ADGRG6: variants seen among roughly 807,000 people sequenced by gnomAD.
ADGRG6 encodes the protein adhesion G protein-coupled receptor G6, also known as G-protein coupled receptor 126.
A neutral mutation model predicts 142.4 loss-of-function variants in ADGRG6; 84 were observed. The observed-to-expected ratio is 0.59, with a 90% CI of 0.49 to 0.71. The LOEUF (loss-of-function observed/expected upper bound fraction) is 0.71, where lower values mean the gene tolerates loss of function less well. ADGRG6 is among the 30% of genes least tolerant of loss of function. The probability of loss-of-function intolerance (pLI) is 0.00; values close to 1 mark genes in which losing one functional copy is unlikely to be tolerated. For synonymous variants in ADGRG6, 521 were observed against 520.5 expected (o/e 1.00, Z -0.01); for missense variants, 1,367 against 1,466.6 (o/e 0.93, Z 1.11).
At chr6:142,303,387 C>A (rs966793068) in intron 1 of ADGRG6, among the ~76,000 whole-genome samples, 1 of 152,170 alleles carries the variant, frequency 6.6e-6, no homozygotes, top group Non-Finnish European at 1.5e-5. Context: ...CCCCACTCCC[C>A]AACACACATT....
chr6:142,367,054 A>T (rs750979335), intron 2 of ADGRG6, among the ~76,000 whole-genome samples: 2 of 152,140 alleles, frequency 1.3e-5, no homozygotes, highest in African/African-American at 2.4e-5. Flanking sequence ...TTTTGTATTG[A>T]TAGCTTTCTA....
chr6:142,436,685 A>G (rs1422152736), intron 22 of ADGRG6, among the ~76,000 whole-genome samples: 1 of 152,214 alleles, frequency 6.6e-6, no homozygotes, highest in Admixed American at 6.5e-5. Flanking sequence ...CCAAGTATAG[A>G]GGAATCAAGA....
At chr6:142,416,100 C>T (rs746930015) in intron 20 of ADGRG6, 36 bp downstream of exon 20, 1 of 1,536,328 alleles carries the variant, frequency 6.5e-7, no homozygotes, top group South Asian at 1.2e-5. Flanking sequence ...TTTGTTTTTC[C>T]CTCATGAAAA....
intron 2 of ADGRG6, among the ~76,000 whole-genome samples, chr6:142,363,291 G>A (rs1216028249): frequency 6.6e-6 from 1 of 151,722 alleles, no homozygotes; most frequent in African/African-American, 2.4e-5. Context: ...ATTTTATAAA[G>A]AAGTACTTGT....
intron 4 of ADGRG6, among the ~76,000 whole-genome samples, chr6:142,375,098 C>G (rs942351824): frequency 6.6e-6 from 1 of 152,142 alleles, no homozygotes; most frequent in African/African-American, 2.4e-5. Context: ...CTGGAAACCA[C>G]TCTTCTATTC....
chr6:142,340,552 A>C (rs1779569438), intron 2 of ADGRG6, among the ~76,000 whole-genome samples: 1 of 152,146 alleles, frequency 6.6e-6, no homozygotes, highest in Admixed American at 6.5e-5. Context: ...GTGCAAATCC[A>C]TGTAGCAAAA....
At chr6:142,332,242 G>A (rs1779097656) in intron 2 of ADGRG6, among the ~76,000 whole-genome samples, 1 of 152,124 alleles carries the variant, frequency 6.6e-6, no homozygotes, top group Non-Finnish European at 1.5e-5. Context: ...AATACTGAAT[G>A]TTTGCAGCAG....
chr6:142,444,604 T>C lies in ADGRG6; in HGVS notation c.*1089T>C, dbSNP rs1384131347. The stretch of plus-strand genomic sequence containing the variant: ...GGTCTGCAATAGCTAGTCTAAAAAC[T>C]ACTTGTGTGTCAGTCCTCTGGTTAT... On this transcript the variant is annotated 3_prime_UTR_variant, in exon 25 of 25. Coordinates refer to ENST00000367609, the MANE Select transcript of ADGRG6 (RefSeq NM_198569.3). The C allele has an allele frequency of 1.3e-5, 2 of 152,194 alleles. No homozygotes were observed. The highest frequency in any genetic ancestry group is 2.9e-5 in the Non-Finnish European group (2 of 68,036). The allele number at this position is 152,194 out of a possible 1,614,324, so 9.4% of individuals were successfully genotyped here. A position where few individuals can be genotyped will look rare whatever the true frequency, so the allele number is the denominator to read the frequency against.
intron 22 of ADGRG6, among the ~76,000 whole-genome samples, chr6:142,434,534 C>T (rs1777384045): frequency 6.6e-6 from 1 of 152,002 alleles, no homozygotes; most frequent in East Asian, 1.9e-4. Flanking sequence ...CTATGTTGGC[C>T]AGGCTGGTCA....
intron 2 of ADGRG6, among the ~76,000 whole-genome samples, chr6:142,343,442 C>G (rs955724623): frequency 6.6e-5 from 10 of 151,548 alleles, no homozygotes; most frequent in Non-Finnish European, 1.2e-4. Context: ...AAGACCTTTA[C>G]TTACTCTTTT....
At chr6:142,342,564 T>C (rs1779708753) in intron 2 of ADGRG6, among the ~76,000 whole-genome samples, 1 of 152,088 alleles carries the variant, frequency 6.6e-6, no homozygotes, top group Non-Finnish European at 1.5e-5. Flanking sequence ...CGTTAGAAGT[T>C]TTCATAGTTA....
chr6:142,381,451 G>A (rs1385596253), intron 4 of ADGRG6, among the ~76,000 whole-genome samples: 2 of 152,156 alleles, frequency 1.3e-5, no homozygotes, highest in African/African-American at 4.8e-5. Context: ...TGCTGAGGAT[G>A]AGTTAGTAAA....
At chr6:142,337,160 A>G (rs1779356445) in intron 2 of ADGRG6, among the ~76,000 whole-genome samples, 2 of 152,190 alleles carry the variant, frequency 1.3e-5, no homozygotes, top group African/African-American at 4.8e-5. Flanking sequence ...CTTTAAAATA[A>G]TATGCTGGTA....
At chr6:142,317,837 AT>A (rs1315122935) in intron 2 of ADGRG6, among the ~76,000 whole-genome samples, 10 of 85,152 alleles carry the variant, frequency 1.2e-4, no homozygotes, top group Middle Eastern at 6.3e-3. Flanking sequence ...TATTATATAT[AT>A]TTATATATAA....
chr6:142,303,908 A>T (rs564774714), intron 1 of ADGRG6, among the ~76,000 whole-genome samples: 63 of 152,216 alleles, frequency 4.1e-4, no homozygotes, highest in Non-Finnish European at 7.3e-4. Flanking sequence ...TTAAAAAATC[A>T]TGTCATTATA....
intron 2 of ADGRG6, among the ~76,000 whole-genome samples, chr6:142,344,522 G>T (rs143721590): frequency 6.6e-6 from 1 of 151,886 alleles, no homozygotes; most frequent in African/African-American, 2.4e-5. Flanking sequence ...ACATTTAAAG[G>T]CTTCTGATTT....
chr6:142,408,907 C>G lies in ADGRG6; in HGVS notation c.2388+638C>G, dbSNP rs6903585. ...AATGAGTGTGCTGAGGATTGAAAGC[C>G]AAGTCACCTAAGATCTAGCCTCCTT... is the stretch of plus-strand genomic sequence containing the variant. On this transcript the variant is annotated intron_variant, in intron 16 of 24. Coordinates refer to ENST00000367609, the MANE Select transcript of ADGRG6 (RefSeq NM_198569.3). Among the ~76,000 whole-genome samples the G allele has an allele frequency of 7.8e-3, 1,193 of 152,206 alleles. 21 individuals carry two copies. The highest frequency in any genetic ancestry group is 0.027 in the African/African-American group (1,115 of 41,548).
At chr6:142,352,480 AAG>A (rs2114780883) in intron 2 of ADGRG6, among the ~76,000 whole-genome samples, 1 of 152,206 alleles carries the variant, frequency 6.6e-6, no homozygotes, top group South Asian at 2.1e-4. Flanking sequence ...GGAGGATGGA[AAG>A]AGGGTGTGGG....
intron 16 of ADGRG6, among the ~76,000 whole-genome samples, chr6:142,409,160 C>T (rs1775961801): frequency 6.6e-6 from 1 of 152,078 alleles, no homozygotes; most frequent in Non-Finnish European, 1.5e-5. Flanking sequence ...CATTAAATAC[C>T]CATTCCCTGT....
Sources: gnomAD v4.1 joint callset for allele counts (sites outside exome capture counted in the v4.1 genomes callset) on GRCh38, gnomAD v4.1.1 for gene constraint, MANE v1.5 for transcripts, NCBI Gene and HGNC (gene_info 2026-07-23, HGNC 2026-07-21) for gene names.